ADGRL4: variants seen among roughly 807,000 people sequenced by gnomAD.
ADGRL4 encodes the protein adhesion G protein-coupled receptor L4.
A neutral mutation model predicts 74.8 loss-of-function variants in ADGRL4; 90 were observed. That is an observed-to-expected ratio of 1.20 (90% CI 1.02 to 1.43). The LOEUF (loss-of-function observed/expected upper bound fraction) is 1.43, where lower values mean the gene tolerates loss of function less well. ADGRL4 is among the 40% of genes most tolerant of loss of function. ADGRL4 has a pLI of 0.00. For synonymous variants in ADGRL4, 311 were observed against 279.2 expected (o/e 1.11, Z -1.14); for missense variants, 881 against 814.3 (o/e 1.08, Z -1.00).
At position 78,921,935 on chromosome 1, in the gene ADGRL4, A is replaced by C. The variant is rs1369175968; in HGVS notation, c.1084-149T>G. On this transcript the variant is annotated intron_variant, in intron 8 of 14. Coordinates refer to ENST00000370742, the MANE Select transcript of ADGRL4 (RefSeq NM_022159.4). ...ATTATAACAAAGGCTGCTATGTGGC[A>C]GAATGGAAATTTATATTGCAACAAT... is the stretch of plus-strand genomic sequence containing the variant. The C allele has an allele frequency of 9.3e-6, 4 of 428,362 alleles. No homozygotes were observed. The South Asian group carries it at 3.1e-4, about 33-fold the overall frequency. The allele number at this position is 428,362 out of a possible 1,614,324, so 26.5% of individuals were successfully genotyped here.
chr1:78,989,431 G>C (rs1320903308), intron 2 of ADGRL4, among the ~76,000 whole-genome samples: 1 of 151,786 alleles, frequency 6.6e-6, no homozygotes, highest in Non-Finnish European at 1.5e-5. Context: ...ATTCTTTAAA[G>C]AACGCTTACT....
chr1:78,954,306 C>T (rs764013032), intron 2 of ADGRL4, among the ~76,000 whole-genome samples: 4 of 151,598 alleles, frequency 2.6e-5, no homozygotes, highest in Admixed American at 1.3e-4. Flanking sequence ...ACAAAAATAT[C>T]GAATTTATTA....
chr1:78,937,123 G>A (rs898440770), intron 6 of ADGRL4, among the ~76,000 whole-genome samples: 5 of 152,204 alleles, frequency 3.3e-5, no homozygotes, highest in Non-Finnish European at 7.3e-5. Flanking sequence ...TTATGAACAT[G>A]CAAAGGATTC....
At chr1:78,902,182 C>G (rs776032931) in intron 12 of ADGRL4, among the ~76,000 whole-genome samples, 2 of 152,094 alleles carry the variant, frequency 1.3e-5, no homozygotes, top group African/African-American at 4.8e-5. Flanking sequence ...AATAATCGCT[C>G]TGAGATAATG....
At chr1:78,891,853 A>G (rs1182743442) in intron 13 of ADGRL4, among the ~76,000 whole-genome samples, 161 bp from the exon 14 acceptor site, 1 of 152,186 alleles carries the variant, frequency 6.6e-6, no homozygotes, top group Non-Finnish European at 1.5e-5. Flanking sequence ...TGCTGCAGTT[A>G]GGTGTGACAG....
rs376405445 is a variant in ADGRL4, at chr1:78,945,177, A to AAAATATATATATATAT, written c.325+1096_325+1097insATATATATATATATTT. Among the ~76,000 whole-genome samples the AAAATATATATATATAT allele has an allele frequency of 2.2e-4, 28 of 127,912 alleles. 1 individual carries two copies. Among genetic ancestry groups the AAAATATATATATATAT allele is most frequent in the African/African-American group, 7.3e-4 (25 of 34,094 alleles). 83.9% of individuals were successfully genotyped at this position (127,912 alleles called of 152,430 possible). A position where few individuals can be genotyped will look rare whatever the true frequency, so the allele number is the denominator to read the frequency against. On this transcript the variant is annotated intron_variant, in intron 3 of 14. Coordinates refer to ENST00000370742, the MANE Select transcript of ADGRL4 (RefSeq NM_022159.4). ...GAGACTCTGTCTCAAAAAAAAAAAA[A>AAAATATATATATATAT]ATATATATATATATATATATCTCAA...
intron 8 of ADGRL4, 129 bp from the exon 9 acceptor site, chr1:78,921,915 A>G: frequency 4.3e-6 from 2 of 461,554 alleles, no homozygotes; most frequent in Non-Finnish European, 7.4e-6. Context: ...AACAAATTAT[A>G]ACAAAGGCTG....
chr1:78,970,867 T>C (rs149173645), intron 2 of ADGRL4, among the ~76,000 whole-genome samples: 2,171 of 152,172 alleles, frequency 0.014, 52 homozygotes, highest in African/African-American at 0.05. Context: ...AACTGGTTGG[T>C]TTAGGATTGG....
chr1:78,895,087 A>G (rs1648365873), intron 12 of ADGRL4, among the ~76,000 whole-genome samples: 1 of 151,950 alleles, frequency 6.6e-6, no homozygotes, highest in Non-Finnish European at 1.5e-5. Flanking sequence ...ATACTTATAA[A>G]ACCCAGGTGC....
At position 78,970,110 on chromosome 1, in the gene ADGRL4, C is replaced by T. The variant is rs932776418; in HGVS notation, c.173-23684G>A. On this transcript the variant is annotated intron_variant, in intron 2 of 14. Transcript: ENST00000370742. Reference sequence around the variant, plus strand: ...TGTCACAAGACATCCTTTTCTCTTCCTTCTTGGAGGAAGACTCAGTTCCAC... The same window carrying T: ...TGTCACAAGACATCCTTTTCTCTTCTTTCTTGGAGGAAGACTCAGTTCCAC... Among the ~76,000 whole-genome samples, 4 of 152,146 alleles carry T rather than the reference C, an allele frequency of 2.6e-5. No individual in the cohort carries two copies. The East Asian group carries it at 5.8e-4, about 22-fold the overall frequency.
At chr1:78,949,543 A>T (rs1336153847) in intron 2 of ADGRL4, among the ~76,000 whole-genome samples, 1 of 152,120 alleles carries the variant, frequency 6.6e-6, no homozygotes, top group Non-Finnish European at 1.5e-5. Flanking sequence ...TTCCCTCAAG[A>T]TTGTGGAGAT....
At position 78,891,133 on chromosome 1, in the gene ADGRL4, A is replaced by T. The variant is rs770077981; in HGVS notation, c.*21T>A. On this transcript the variant is annotated 3_prime_UTR_variant, in exon 15 of 15. Coordinates refer to ENST00000370742, the MANE Select transcript of ADGRL4 (RefSeq NM_022159.4). ...GAATTTTTATTTTTGTGCAGTTGTA[A>T]TTATCCACCATTCTCTATGTTTACC... is the stretch of plus-strand genomic sequence containing the variant. 1 of 1,610,078 alleles carries T rather than the reference A, an allele frequency of 6.2e-7. No homozygotes were observed. The highest frequency in any genetic ancestry group is 1.3e-5 in the African/African-American group (1 of 74,780).
chr1:78,947,399 A>C (rs1649625207), intron 2 of ADGRL4, among the ~76,000 whole-genome samples: 1 of 152,194 alleles, frequency 6.6e-6, no homozygotes, highest in South Asian at 2.1e-4. Flanking sequence ...AGAGACTGAA[A>C]GATGTAACTG....
At chr1:79,000,842 C>T (rs1237333486) in intron 2 of ADGRL4, among the ~76,000 whole-genome samples, 2 of 152,070 alleles carry the variant, frequency 1.3e-5, no homozygotes, top group Non-Finnish European at 2.9e-5. Context: ...ATATAAACCT[C>T]TCTTTAAACA....
chr1:78,921,585 A>G lies in ADGRL4; in HGVS notation c.1257+28T>C, dbSNP rs576286236. The G allele has an allele frequency of 2.2e-6, 3 of 1,338,218 alleles. 1 individual carries two copies. The highest frequency in any genetic ancestry group is 5.8e-5 in the Admixed American group (2 of 34,728). The allele number at this position is 1,338,218 out of a possible 1,614,324, so 82.9% of individuals were successfully genotyped here. On this transcript the variant is annotated intron_variant, in intron 9 of 14. Transcript: ENST00000370742. ...AAAAAAAACAGAAAAAGCAACATTT[A>G]TAAATATGAAGGGGAAAATTATCTT...
chr1:78,892,113 G>C (rs1238372598), intron 13 of ADGRL4, among the ~76,000 whole-genome samples: 1 of 152,108 alleles, frequency 6.6e-6, no homozygotes, highest in Non-Finnish European at 1.5e-5. Context: ...TATACCATGT[G>C]GACTGGGGTC....
chr1:78,920,342 T>A lies in ADGRL4; in HGVS notation c.1302A>T (p.Gly434=), dbSNP rs1648971303. The A allele has an allele frequency of 6.2e-7, 1 of 1,606,740 alleles. No homozygotes were observed. The highest frequency in any genetic ancestry group is 8.5e-7 in the Non-Finnish European group (1 of 1,174,352). The change falls in exon 10 of 15, where the codon GGA becomes GGT. Residue 434 remains glycine, a synonymous_variant. Coordinates refer to ENST00000370742, the MANE Select transcript of ADGRL4 (RefSeq NM_022159.4). ...YNILTRITQL[G]IIISLICLAI... is the part of the protein sequence containing the mutation. ...CAAGACAAATCAGTGAAATAATTAT[T>A]CCTAGTTGAGTGATCCTTGTAAGAA...
At chr1:78,916,992 C>G (rs1648885301) in intron 12 of ADGRL4, among the ~76,000 whole-genome samples, 1 of 151,808 alleles carries the variant, frequency 6.6e-6, no homozygotes, top group African/African-American at 2.4e-5. Context: ...GAAACCACTT[C>G]CAATAAGAAT....
At chr1:78,967,685 G>T (rs919975127) in intron 2 of ADGRL4, among the ~76,000 whole-genome samples, 12 of 152,218 alleles carry the variant, frequency 7.9e-5, no homozygotes, top group African/African-American at 2.9e-4. Flanking sequence ...AAATTCAAAA[G>T]GGTATTATGG....
Sources: gnomAD v4.1 joint callset for allele counts (sites outside exome capture counted in the v4.1 genomes callset) on GRCh38, gnomAD v4.1.1 for gene constraint, MANE v1.5 for transcripts, NCBI Gene and HGNC (gene_info 2026-07-23, HGNC 2026-07-21) for gene names.